PCDHA10: variants seen among roughly 807,000 people sequenced by gnomAD.
PCDHA10 encodes the protein protocadherin alpha-10.
In PCDHA10, 45 loss-of-function variants were observed where a neutral mutation model predicts 61.2. The ratio of observed to expected loss-of-function variants is 0.74; its 90% CI spans 0.58 to 0.94. The LOEUF (loss-of-function observed/expected upper bound fraction) is 0.94. Ranked by LOEUF, PCDHA10 falls within the 40% of genes least tolerant of loss-of-function variation. PCDHA10 has a pLI of 0.00. For synonymous variants in PCDHA10, 602 were observed against 548.8 expected (o/e 1.10, Z -1.35); for missense variants, 1,278 against 1,236.2 (o/e 1.03, Z -0.51).
At chr5:140,929,057 C>T (rs17844370) in intron 1 of PCDHA10, 1 of 1,614,070 alleles carries the variant, frequency 6.2e-7, no homozygotes, top group Non-Finnish European at 8.5e-7. Flanking sequence ...TGTCGCTCTA[C>T]AGAGGATCTG....
In PCDHA10 at chr5:141,011,530, T is replaced by C. The variant is rs1427621980; in HGVS notation, c.*1593T>C. 7 of 153,810 alleles carry C rather than the reference T, an allele frequency of 4.6e-5. No individual in the cohort carries two copies. The highest frequency in any genetic ancestry group is 1.7e-4 in the African/African-American group (7 of 41,470). The allele number at this position is 153,810 out of a possible 1,614,324, so 9.5% of individuals were successfully genotyped here. Reference sequence around the variant, plus strand: ...TGGAGTAGTGTTTTTTTAACCATTGTTAATCAGCTTTTGTGTATGAAAGAC... The same window carrying C: ...TGGAGTAGTGTTTTTTTAACCATTGCTAATCAGCTTTTGTGTATGAAAGAC... On this transcript the variant is annotated 3_prime_UTR_variant, in exon 4 of 4. Transcript: ENST00000307360.
At chr5:140,895,590 T>C (rs1554186569) in intron 1 of PCDHA10, among the ~76,000 whole-genome samples, 2 of 152,208 alleles carry the variant, frequency 1.3e-5, no homozygotes, top group Non-Finnish European at 2.9e-5. Context: ...ATTAGATATA[T>C]AATTTGCAAA....
chr5:140,927,093 G>T (rs781998184), intron 1 of PCDHA10: 1 of 1,612,818 alleles, frequency 6.2e-7, no homozygotes, highest in Non-Finnish European at 8.5e-7. Flanking sequence ...TCTACTTCGG[G>T]GTGGATCTAC....
intron 1 of PCDHA10, among the ~76,000 whole-genome samples, chr5:140,970,269 A>G (rs1410341195): frequency 6.6e-6 from 1 of 152,184 alleles, no homozygotes; most frequent in East Asian, 1.9e-4. Flanking sequence ...TTTTGATGAG[A>G]TGTAAAGTAG....
intron 1 of PCDHA10, among the ~76,000 whole-genome samples, chr5:140,907,596 G>A (rs1554193068): frequency 2.0e-5 from 3 of 152,214 alleles, no homozygotes; most frequent in African/African-American, 7.2e-5. Flanking sequence ...ATCACCCTGA[G>A]GAATGGTGCC....
chr5:140,877,850 A>C (rs782804856), intron 1 of PCDHA10: 1 of 1,546,004 alleles, frequency 6.5e-7, no homozygotes, highest in South Asian at 1.3e-5. Context: ...GTAAGTTATT[A>C]ATATTATTTA....
rs575141569 is a variant in PCDHA10, at chr5:140,917,876, CT to C, written c.2388+59450del. Among the ~76,000 whole-genome samples, 1,293 of 147,130 alleles carry C rather than the reference CT, an allele frequency of 8.8e-3. 5 individuals carry two copies. Among genetic ancestry groups the C allele is most frequent in the African/African-American group, 0.02 (816 of 40,244 alleles). ...TAGGATTGCTTTGACTATTTGGGCT[CT>C]TTTTTTTTTCCATATGAATGTTAGG... On this transcript the variant is annotated intron_variant, in intron 1 of 3. Coordinates refer to ENST00000307360, the MANE Select transcript of PCDHA10 (RefSeq NM_018901.4).
chr5:141,002,689 T>C (rs2098092113), intron 3 of PCDHA10, among the ~76,000 whole-genome samples: 1 of 152,186 alleles, frequency 6.6e-6, no homozygotes, highest in African/African-American at 2.4e-5. Context: ...GACGTGCAGA[T>C]TTGTTTAACT....
chr5:141,002,853 G>C (rs781830862), intron 3 of PCDHA10, among the ~76,000 whole-genome samples: 1 of 152,184 alleles, frequency 6.6e-6, no homozygotes, highest in Non-Finnish European at 1.5e-5. Context: ...ACTAGTGAGA[G>C]AACCAGGGCA....
chr5:140,871,527 G>T lies in PCDHA10; in HGVS notation c.2388+13091G>T, dbSNP rs537927360. ...TTCTACAGATTCCACCTATCAGGAA[G>T]TGTATGTGAAATTATTTAAAATCCA... On this transcript the variant is annotated intron_variant, in intron 1 of 3. Transcript: ENST00000307360. 7 of 1,531,726 alleles carry T rather than the reference G, an allele frequency of 4.6e-6. No individual in the cohort carries two copies. The African/African-American group carries it at 9.7e-5, about 21-fold the overall frequency. The allele number at this position is 1,531,726 out of a possible 1,614,324, so 94.9% of individuals were successfully genotyped here.
Position 140,870,644 on chromosome 5 carries a change from G to A in PCDHA10, c.2388+12208G>A, listed in dbSNP as rs782672271. ...TACGTGTCGGTGCACGCGGAGAGCG[G>A]CAAGGTGTACGCGCTGCAGCCGTTG... is the stretch of plus-strand genomic sequence containing the variant. On this transcript the variant is annotated intron_variant, in intron 1 of 3. Transcript: ENST00000307360. 8.7e-6 allele frequency: 14 copies of A among 1,612,768 alleles called. No homozygotes were observed. In the South Asian group the frequency reaches 1.4e-4, roughly 16 times the overall value.
chr5:140,978,829 T>A (rs2096825254), intron 1 of PCDHA10, 120 bp from the exon 2 acceptor site: 2 of 1,533,852 alleles, frequency 1.3e-6, no homozygotes, highest in Admixed American at 2.0e-5. Flanking sequence ...ATGAAATGGC[T>A]CATTCAATAC....
intron 1 of PCDHA10, chr5:140,870,820 G>A (rs1554164732): frequency 6.2e-7 from 1 of 1,613,748 alleles, no homozygotes; most frequent in Non-Finnish European, 8.5e-7. Context: ...TGGCAGCGCG[G>A]GAGGCGCAGT....
chr5:140,862,867 C>A (rs1562571529), intron 1 of PCDHA10: 4 of 70,810 alleles, frequency 5.6e-5, no homozygotes, highest in Non-Finnish European at 9.2e-5. Context: ...TGTGACGCTG[C>A]CAGGTATTAG....
intron 1 of PCDHA10, among the ~76,000 whole-genome samples, chr5:140,943,614 A>G (rs1269579212): frequency 6.6e-6 from 1 of 152,220 alleles, no homozygotes; most frequent in Admixed American, 6.5e-5. Context: ...ACTTTGATTC[A>G]TCTGCATAAG....
intron 1 of PCDHA10, chr5:140,863,244 G>A (rs1292060203): frequency 7.3e-7 from 1 of 1,361,116 alleles, no homozygotes; most frequent in Non-Finnish European, 1.0e-6. Context: ...GGGCTTTGGC[G>A]GGCGTCGAGG....
intron 1 of PCDHA10, among the ~76,000 whole-genome samples, chr5:140,903,632 C>T (rs1554191062): frequency 6.6e-6 from 1 of 152,134 alleles, no homozygotes. Context: ...CATATGTATG[C>T]ATATACCATA....
At chr5:140,967,453 C>T in intron 1 of PCDHA10, 1 of 1,613,556 alleles carries the variant, frequency 6.2e-7, no homozygotes, top group South Asian at 1.1e-5. Context: ...TTCTCACAGC[C>T]GTGGATGGGG....
intron 1 of PCDHA10, among the ~76,000 whole-genome samples, chr5:140,895,936 G>A (rs1428112046): frequency 6.6e-6 from 1 of 151,984 alleles, no homozygotes; most frequent in Non-Finnish European, 1.5e-5. Context: ...TCAGCCTCCC[G>A]AGTAGCTGGG....
Sources: allele counts gnomAD v4.1 joint callset (sites outside exome capture counted in the v4.1 genomes callset), GRCh38; gene constraint gnomAD v4.1.1; transcripts MANE v1.5; gene names NCBI Gene and HGNC (gene_info 2026-07-23, HGNC 2026-07-21).